The following FAM193A variants were observed in gnomAD, a reference collection of about 807,000 sequenced individuals.
FAM193A encodes protein FAM193A.
In FAM193A, 22 loss-of-function variants were observed where a neutral mutation model predicts 126.5. That is an observed-to-expected ratio of 0.17 (90% CI 0.12 to 0.25). FAM193A has a LOEUF of 0.25. Ranked by LOEUF, FAM193A falls within the 10% of genes least tolerant of loss-of-function variation. The pLI, the probability that FAM193A is intolerant of heterozygous loss-of-function variation, is 1.00. For missense variants in FAM193A, 1,675 were observed against 1,672.8 expected (o/e 1.00, Z -0.02); for synonymous variants, 761 against 646.8 (o/e 1.18, Z -2.68).
intron 1 of FAM193A, among the ~76,000 whole-genome samples, chr4:2,553,764 G>A (rs1738091427): frequency 6.6e-6 from 1 of 152,114 alleles, no homozygotes; most frequent in African/African-American, 2.4e-5. Context: ...CTCGTGTGTT[G>A]TGGGAGGGAC....
chr4:2,600,740 T>G (rs1741149269), intron 2 of FAM193A, among the ~76,000 whole-genome samples: 2 of 152,224 alleles, frequency 1.3e-5, no homozygotes, highest in Non-Finnish European at 1.5e-5. Context: ...TGTTTTCATC[T>G]TCTTCAAGAC....
At chr4:2,661,028 T>G (rs188943623) in intron 10 of FAM193A, among the ~76,000 whole-genome samples, 1 of 151,850 alleles carries the variant, frequency 6.6e-6, no homozygotes, top group Non-Finnish European at 1.5e-5. Context: ...ATTAAACATA[T>G]ATAGCCTAAT....
intron 15 of FAM193A, among the ~76,000 whole-genome samples, chr4:2,692,539 C>T (rs538441265): frequency 6.6e-6 from 1 of 152,324 alleles, no homozygotes; most frequent in African/African-American, 2.4e-5. Context: ...CAGAGAGACA[C>T]TGGGTGCATC....
At chr4:2,700,946 CAGAG>C (rs1169596550) in intron 19 of FAM193A, among the ~76,000 whole-genome samples, 2 of 151,840 alleles carry the variant, frequency 1.3e-5, no homozygotes, top group African/African-American at 4.9e-5. Flanking sequence ...GCGTGGGTGA[CAGAG>C]AGACTCCATC....
At chr4:2,607,905 G>T in intron 2 of FAM193A, 5 of 1,047,400 alleles carry the variant, frequency 4.8e-6, no homozygotes, top group African/African-American at 1.7e-5. Flanking sequence ...TTTTTTGTCT[G>T]TTTTTCACTA....
chr4:2,654,394 T>TTTTC (rs1170554514), intron 7 of FAM193A: 1 of 150,316 alleles, frequency 6.7e-6, no homozygotes, highest in African/African-American at 2.4e-5. Context: ...TTTTTTTTTT[T>TTTTC]TTTTTTTGTA....
chr4:2,601,424 G>A (rs1296207568), intron 2 of FAM193A, among the ~76,000 whole-genome samples: 1 of 151,468 alleles, frequency 6.6e-6, no homozygotes, highest in Non-Finnish European at 1.5e-5. Context: ...TAGTAGAGAT[G>A]GGGTTTCGCC....
chr4:2,584,309 C>A (rs1345243098), intron 1 of FAM193A, among the ~76,000 whole-genome samples: 1 of 151,894 alleles, frequency 6.6e-6, no homozygotes, highest in Non-Finnish European at 1.5e-5. Flanking sequence ...CACCTGTAAT[C>A]CCAGCTACTC....
chr4:2,701,615 C>T (rs948596277), intron 19 of FAM193A, among the ~76,000 whole-genome samples: 2 of 152,136 alleles, frequency 1.3e-5, no homozygotes, highest in Admixed American at 6.5e-5. Flanking sequence ...TTGAGCTGGT[C>T]TGCCCATTTT....
chr4:2,633,293 G>A (rs1743781196), intron 5 of FAM193A, among the ~76,000 whole-genome samples: 2 of 151,940 alleles, frequency 1.3e-5, no homozygotes, highest in South Asian at 2.1e-4. Context: ...CAGCTACTCG[G>A]GAGGCTGAGG....
chr4:2,719,182 A>AT (rs1242120494), intron 20 of FAM193A, among the ~76,000 whole-genome samples: 5 of 152,158 alleles, frequency 3.3e-5, no homozygotes, highest in Non-Finnish European at 5.9e-5. Flanking sequence ...AGATTCAAAA[A>AT]TCCTAAAGAA....
At chr4:2,688,821 G>A (rs958430953) in intron 13 of FAM193A, among the ~76,000 whole-genome samples, 1 of 152,250 alleles carries the variant, frequency 6.6e-6, no homozygotes, top group Admixed American at 6.5e-5. Context: ...AGTGGCTGAG[G>A]CAGAGGGAGG....
intron 7 of FAM193A, chr4:2,654,494 T>C (rs1301798721): frequency 6.6e-6 from 1 of 151,162 alleles, no homozygotes; most frequent in East Asian, 1.9e-4. Context: ...ATTCATTCTT[T>C]CTCTGTTGTT....
intron 1 of FAM193A, among the ~76,000 whole-genome samples, chr4:2,584,754 A>G (rs1740139196): frequency 6.6e-6 from 1 of 151,874 alleles, no homozygotes; most frequent in African/African-American, 2.4e-5. Flanking sequence ...GTGAAACCCC[A>G]TCTTTACTAA....
intron 1 of FAM193A, among the ~76,000 whole-genome samples, chr4:2,585,605 A>G (rs962317255): frequency 1.3e-5 from 2 of 149,792 alleles, no homozygotes; most frequent in African/African-American, 2.5e-5. Flanking sequence ...CATTTTTTTC[A>G]TTTTCTTAAT....
Position 2,639,843 on chromosome 4 carries a change from C to T in FAM193A, c.1147C>T (p.Leu383=), listed in dbSNP as rs906040757. 4 of 1,613,880 alleles carry T rather than the reference C, an allele frequency of 2.5e-6. No homozygotes were observed. Among genetic ancestry groups the T allele is most frequent in the Admixed American group, 3.3e-5 (2 of 59,958 alleles). Residue 383 remains leucine (L), a synonymous_variant, in exon 6 of 21, where the codon CTG becomes TTG. Coordinates refer to ENST00000637812, the MANE Select transcript of FAM193A (RefSeq NM_001366318.2). The stretch of plus-strand genomic sequence containing the variant: ...ACTTCTTCAGAGCAACTTGCCCGCA[C>T]TGGTGTCACAGATCAGGTATTTTGC... ...EPLLQSNLPA[L]VSQIRLGTTT... is the part of the protein sequence containing the mutation.
At chr4:2,608,870 ATGT>A (rs1306490642) in intron 2 of FAM193A, among the ~76,000 whole-genome samples, 1 of 151,156 alleles carries the variant, frequency 6.6e-6, no homozygotes, top group Admixed American at 6.6e-5. Context: ...CTTTAAAATA[ATGT>A]TGTTAATTTG....
chr4:2,726,179 G>A (rs980266037), intron 20 of FAM193A, among the ~76,000 whole-genome samples: 32 of 152,190 alleles, frequency 2.1e-4, no homozygotes, highest in Admixed American at 2.0e-3. Context: ...GATTACAGGC[G>A]TGAGCCACCA....
At chr4:2,596,692 G>T (rs1275936166) in intron 2 of FAM193A, among the ~76,000 whole-genome samples, 3 of 152,214 alleles carry the variant, frequency 2.0e-5, no homozygotes, top group Non-Finnish European at 4.4e-5. Context: ...TTTACGCGAT[G>T]CTCTTAAGCC....
Sources: gnomAD v4.1 joint callset for allele counts (sites outside exome capture counted in the v4.1 genomes callset) on GRCh38, gnomAD v4.1.1 for gene constraint, MANE v1.5 for transcripts, NCBI Gene and HGNC (gene_info 2026-07-23, HGNC 2026-07-21) for gene names.